The following ACAP2 variants were observed in gnomAD, a reference collection of about 807,000 sequenced individuals.
ACAP2 encodes ArfGAP with coiled-coil, ankyrin repeat and PH domains 2, also known as arf-GAP with coiled-coil, ANK repeat and PH domain-containing protein 2.
ACAP2 carries 39 observed loss-of-function variants against 115.8 expected under a neutral mutation model. That is an observed-to-expected ratio of 0.34 (90% CI 0.26 to 0.44). The LOEUF is 0.44. Among genes scored for constraint, ACAP2 ranks in the 20% least tolerant of loss-of-function variants. ACAP2 has a pLI of 1.00. For synonymous variants in ACAP2, 289 were observed against 315.8 expected, an observed-to-expected ratio of 0.92 and a Z score of 0.90; for missense variants, 662 against 927.6, an observed-to-expected ratio of 0.71 and a Z score of 3.72.
chr3:195,301,946 T>C lies in ACAP2; in HGVS notation c.1325+20A>G. On this transcript the variant is annotated intron_variant, in intron 14 of 22. Transcript: ENST00000326793. ...GTTTATCCAAAAGAAGAAATTCTCA[T>C]CCTGGGCAGGCCTACCCACCGGTGA... is the stretch of plus-strand genomic sequence containing the variant. 6.2e-7 allele frequency: 1 copy of C among 1,603,944 alleles called. No homozygotes were observed. Among genetic ancestry groups the C allele is most frequent in the Non-Finnish European group, 8.5e-7 (1 of 1,175,206 alleles).
chr3:195,316,204 T>G (rs925915874), intron 10 of ACAP2, among the ~76,000 whole-genome samples: 2 of 144,212 alleles, frequency 1.4e-5, no homozygotes, highest in African/African-American at 5.0e-5. Context: ...GTTTTTTTTG[T>G]TTTTTTTTTT....
At chr3:195,359,747 G>A (rs563668453) in intron 4 of ACAP2, among the ~76,000 whole-genome samples, 25 of 152,174 alleles carry the variant, frequency 1.6e-4, no homozygotes, top group Admixed American at 7.2e-4. Context: ...GATTACAGGC[G>A]TGAGCCATCG....
At chr3:195,329,005 G>A (rs1221762754) in intron 8 of ACAP2, among the ~76,000 whole-genome samples, 8 of 151,790 alleles carry the variant, frequency 5.3e-5, no homozygotes, top group Non-Finnish European at 7.4e-5. Flanking sequence ...GCGTGAACCC[G>A]GGAGGCGGAG....
intron 9 of ACAP2, among the ~76,000 whole-genome samples, chr3:195,322,257 T>C (rs1277574515): frequency 6.6e-6 from 1 of 152,150 alleles, no homozygotes; most frequent in East Asian, 1.9e-4. Flanking sequence ...CCCATAACTT[T>C]TAAAATTCCT....
intron 1 of ACAP2, 60 bp from the exon 2 acceptor site, chr3:195,392,207 G>T: frequency 7.6e-7 from 1 of 1,315,730 alleles, no homozygotes; most frequent in Non-Finnish European, 1.1e-6. Context: ...CTTTACTCTT[G>T]AAAAGTAACT....
At chr3:195,332,048 G>A (rs1730207074) in intron 8 of ACAP2, among the ~76,000 whole-genome samples, 1 of 151,306 alleles carries the variant, frequency 6.6e-6, no homozygotes, top group South Asian at 2.1e-4. Context: ...GCAGGAGAAT[G>A]GCAAGAACCT....
intron 13 of ACAP2, 67 bp from the exon 14 acceptor site, chr3:195,302,241 A>G: frequency 1.4e-6 from 2 of 1,405,770 alleles, no homozygotes; most frequent in Admixed American, 2.0e-5. Flanking sequence ...TGCACACTAC[A>G]TGCTCCAAAC....
intron 21 of ACAP2, 110 bp from the exon 22 acceptor site, chr3:195,285,967 A>G (rs1726818970): frequency 1.3e-6 from 1 of 792,062 alleles, no homozygotes; most frequent in South Asian, 2.1e-5. Flanking sequence ...TTTATTTGCC[A>G]TTAAAATAAT....
intron 4 of ACAP2, chr3:195,349,578 C>T (rs1212892261): frequency 6.3e-6 from 1 of 159,462 alleles, no homozygotes; most frequent in African/African-American, 2.4e-5. Context: ...ACAGTGATGA[C>T]TACAAAACAT....
chr3:195,289,656 CAT>C (rs1312897837), intron 20 of ACAP2, among the ~76,000 whole-genome samples: 5 of 148,348 alleles, frequency 3.4e-5, no homozygotes, highest in African/African-American at 1.2e-4. Flanking sequence ...AAAAAAAAAA[CAT>C]AGCCGGGTGT....
chr3:195,421,335 G>T (rs958628250), intron 1 of ACAP2, among the ~76,000 whole-genome samples: 6 of 152,164 alleles, frequency 3.9e-5, no homozygotes, highest in African/African-American at 1.4e-4. Context: ...CTCAAATGAT[G>T]AAATAAACAT....
intron 4 of ACAP2, among the ~76,000 whole-genome samples, chr3:195,364,942 G>A (rs1190283328): frequency 6.6e-6 from 1 of 152,196 alleles, no homozygotes; most frequent in Non-Finnish European, 1.5e-5. Flanking sequence ...GTACTAGTCA[G>A]CCATAAAGAA....
At chr3:195,310,038 T>C (rs183113649) in intron 10 of ACAP2, among the ~76,000 whole-genome samples, 1 of 152,352 alleles carries the variant, frequency 6.6e-6, no homozygotes, top group African/African-American at 2.4e-5. Flanking sequence ...TGTGAGATGA[T>C]TTCTATTGTA....
intron 1 of ACAP2, among the ~76,000 whole-genome samples, chr3:195,394,152 C>A (rs1711554045): frequency 6.6e-6 from 1 of 152,142 alleles, no homozygotes; most frequent in Non-Finnish European, 1.5e-5. Flanking sequence ...ACCCCTCAAC[C>A]ACTCAAGCTG....
At chr3:195,332,147 A>AG (rs1730215970) in intron 8 of ACAP2, among the ~76,000 whole-genome samples, 1 of 151,934 alleles carries the variant, frequency 6.6e-6, no homozygotes, top group African/African-American at 2.4e-5. Flanking sequence ...AAAAAAAAAA[A>AG]AAAATACTAT....
intron 1 of ACAP2, among the ~76,000 whole-genome samples, chr3:195,411,919 T>C (rs955601679): frequency 6.7e-6 from 1 of 149,742 alleles, no homozygotes; most frequent in African/African-American, 2.4e-5. Context: ...TCACAATGAA[T>C]GTCAAAAACA....
rs2108873047 is a variant in ACAP2 at position 195,276,157 on chromosome 3, CTTAAA to C, written c.*3166_*3170del. On this transcript the variant is annotated 3_prime_UTR_variant, in exon 23 of 23. Coordinates refer to ENST00000326793, the MANE Select transcript of ACAP2 (RefSeq NM_012287.6). ...GCATAAAATATTTTTAAAATACAAA[CTTAAA>C]TTGGCCAGATTCTGAATGTGTACTT... 2 of 152,714 alleles carry C rather than the reference CTTAAA, an allele frequency of 1.3e-5. No individual in the cohort carries two copies. The highest frequency in any genetic ancestry group is 4.8e-5 in the African/African-American group (2 of 41,584). The allele number at this position is 152,714 out of a possible 1,614,324, so 9.5% of individuals were successfully genotyped here. A position where few individuals can be genotyped will look rare whatever the true frequency, so the allele number is the denominator to read the frequency against.
chr3:195,377,197 T>TGCAGTAGTG (rs1431849081), intron 4 of ACAP2, among the ~76,000 whole-genome samples: 1 of 134,060 alleles, frequency 7.5e-6, no homozygotes, highest in African/African-American at 2.9e-5. Flanking sequence ...CAGGCTGGAG[T>TGCAGTAGTG]GCAGTAGTGC....
At chr3:195,396,535 C>T (rs1560326056) in intron 1 of ACAP2, among the ~76,000 whole-genome samples, 1 of 151,994 alleles carries the variant, frequency 6.6e-6, no homozygotes, top group Non-Finnish European at 1.5e-5. Flanking sequence ...CGTCTGTAAT[C>T]CCAGCACTTT....
Sources: allele counts gnomAD v4.1 joint callset (sites outside exome capture counted in the v4.1 genomes callset), GRCh38; gene constraint gnomAD v4.1.1; transcripts MANE v1.5; gene names NCBI Gene and HGNC (gene_info 2026-07-23, HGNC 2026-07-21).